TNR: variants seen among roughly 807,000 people sequenced by gnomAD.
The protein encoded by TNR is tenascin-R.
In TNR, 45 loss-of-function variants were observed where a neutral mutation model predicts 150.4. The ratio of observed to expected loss-of-function variants is 0.30; its 90% CI spans 0.24 to 0.38. The LOEUF (loss-of-function observed/expected upper bound fraction) is 0.38, where lower values mean the gene tolerates loss of function less well. Ranked by LOEUF, TNR falls within the 10% of genes least tolerant of loss-of-function variation. TNR has a pLI of 1.00. For missense variants in TNR, 1,544 were observed against 1,759.1 expected (o/e 0.88, Z 2.19); for synonymous variants, 687 against 678.4 (o/e 1.01, Z -0.20).
chr1:175,343,940 C>A (rs897150200), intron 18 of TNR, among the ~76,000 whole-genome samples: 1 of 152,076 alleles, frequency 6.6e-6, no homozygotes, highest in African/African-American at 2.4e-5. Context: ...AGGTTTTTGG[C>A]GTTTTTGAAC....
intron 6 of TNR, among the ~76,000 whole-genome samples, chr1:175,393,556 C>T (rs1477778079): frequency 6.6e-6 from 1 of 152,206 alleles, no homozygotes; most frequent in African/African-American, 2.4e-5. Flanking sequence ...CTCTGTTCTG[C>T]AAGGCCAGGG....
At chr1:175,478,728 A>C (rs1657654931) in intron 2 of TNR, among the ~76,000 whole-genome samples, 1 of 152,198 alleles carries the variant, frequency 6.6e-6, no homozygotes, top group Non-Finnish European at 1.5e-5. Context: ...AAAGGAGATC[A>C]GGGGACCTTG....
At chr1:175,403,949 A>C (rs187729991) in intron 3 of TNR, among the ~76,000 whole-genome samples, 14 of 152,278 alleles carry the variant, frequency 9.2e-5, no homozygotes, top group Non-Finnish European at 2.1e-4. Flanking sequence ...AGGTGTTCCC[A>C]GAAAAAACTG....
At chr1:175,404,517 A>G (rs937802489) in intron 3 of TNR, among the ~76,000 whole-genome samples, 1 of 152,232 alleles carries the variant, frequency 6.6e-6, no homozygotes, top group Non-Finnish European at 1.5e-5. Context: ...AACGTATTAA[A>G]CAAATACAAA....
At chr1:175,382,495 G>A (rs1255685079) in intron 8 of TNR, among the ~76,000 whole-genome samples, 1 of 152,206 alleles carries the variant, frequency 6.6e-6, no homozygotes, top group African/African-American at 2.4e-5. Flanking sequence ...GAGTCCTAGA[G>A]CGGCATCACT....
intron 1 of TNR, among the ~76,000 whole-genome samples, chr1:175,686,558 T>C (rs1006037291): frequency 6.6e-6 from 1 of 152,192 alleles, no homozygotes; most frequent in African/African-American, 2.4e-5. Context: ...TAATGCTTGG[T>C]ACATTTCATA....
At chr1:175,378,665 C>A (rs1401772891) in intron 9 of TNR, among the ~76,000 whole-genome samples, 1 of 152,262 alleles carries the variant, frequency 6.6e-6, no homozygotes, top group East Asian at 1.9e-4. Context: ...TCCTATATAG[C>A]AGGAGGGAAA....
In TNR at chr1:175,599,926, C is replaced by T. The variant is rs1160087193; in HGVS notation, c.-164-71557G>A. ...GGCAGGCAAGAGACTGGGGCCGGTT[C>T]TACAGGAGGGAGGAAAAGAGTGAGC... On this transcript the variant is annotated intron_variant, in intron 1 of 22. Coordinates refer to ENST00000367674, the MANE Select transcript of TNR (RefSeq NM_003285.3). This position sits in a 1 kb window ranked among gnomAD's most constrained non-coding sequence, Gnocchi z 4.7. Among the ~76,000 whole-genome samples, 2 of 152,136 alleles carry T rather than the reference C, an allele frequency of 1.3e-5. No homozygotes were observed. Among genetic ancestry groups the T allele is most frequent in the Non-Finnish European group, 2.9e-5 (2 of 68,032 alleles).
intron 1 of TNR, among the ~76,000 whole-genome samples, chr1:175,649,996 A>G (rs1472726705): frequency 6.6e-6 from 1 of 152,198 alleles, no homozygotes; most frequent in Non-Finnish European, 1.5e-5. Context: ...CAAAAGATTA[A>G]TCTTAAAAAT....
rs1172867454 is a variant in TNR at position 175,517,053 on chromosome 1, GAGAGAA to G, written c.-64+11210_-64+11215del. On this transcript the variant is annotated intron_variant, in intron 2 of 22. Transcript: ENST00000367674. ...AGAGAGAGAGAGAGAGAGAGAGAGA[GAGAGAA>G]AGAGAGAGAGACCTTCAAATACAGC... 4.2e-3 allele frequency among the ~76,000 whole-genome samples: 534 copies of G among 127,934 alleles called. 1 individual carries two copies. Among genetic ancestry groups the G allele is most frequent in the South Asian group, 0.01 (42 of 4,148 alleles). The allele number at this position is 127,934 out of a possible 152,430, so 83.9% of individuals were successfully genotyped here.
At chr1:175,530,088 T>C (rs1295808684) in intron 1 of TNR, among the ~76,000 whole-genome samples, 1 of 152,230 alleles carries the variant, frequency 6.6e-6, no homozygotes, top group Non-Finnish European at 1.5e-5. Context: ...TAAAAATGTA[T>C]GCAGAAGACG....
chr1:175,595,688 T>A (rs1662980081), intron 1 of TNR, among the ~76,000 whole-genome samples: 1 of 152,160 alleles, frequency 6.6e-6, no homozygotes, highest in South Asian at 2.1e-4. Flanking sequence ...CCAAAGAGAA[T>A]TAGGCAATGG....
chr1:175,485,874 A>T (rs1657992471), intron 2 of TNR, among the ~76,000 whole-genome samples: 1 of 152,228 alleles, frequency 6.6e-6, no homozygotes, highest in Non-Finnish European at 1.5e-5. Flanking sequence ...AGCATTTTAC[A>T]TATAATTTTT....
chr1:175,613,834 A>C (rs1041186310), intron 1 of TNR, among the ~76,000 whole-genome samples: 1 of 152,202 alleles, frequency 6.6e-6, no homozygotes, highest in Admixed American at 6.5e-5. Flanking sequence ...GCCTCCTATA[A>C]GATGAACATG....
chr1:175,339,334 CA>C (rs1650403302), intron 18 of TNR, among the ~76,000 whole-genome samples: 1 of 152,206 alleles, frequency 6.6e-6, no homozygotes, highest in South Asian at 2.1e-4. Context: ...TTAAAGATCT[CA>C]AAAATTTCTA....
rs529027124 is a variant in TNR, at chr1:175,398,934, G to A, written c.977-2127C>T. ...TACCAATGAGGAAACTGAATCCCAG[G>A]TTAAGGGATGTGCCAAAAGTCAGAG... On this transcript the variant is annotated intron_variant, in intron 4 of 22. Transcript: ENST00000367674. Among the ~76,000 whole-genome samples, 9 of 152,300 alleles carry A rather than the reference G, an allele frequency of 5.9e-5. No homozygotes were observed. The South Asian group carries it at 1.7e-3, about 28-fold the overall frequency.
At chr1:175,565,323 G>A (rs897746516) in intron 1 of TNR, among the ~76,000 whole-genome samples, 2 of 152,196 alleles carry the variant, frequency 1.3e-5, no homozygotes, top group East Asian at 1.9e-4. Flanking sequence ...TCACAGAACA[G>A]AAATGGTGAA....
chr1:175,675,421 A>G (rs1452367525), intron 1 of TNR, among the ~76,000 whole-genome samples: 1 of 152,210 alleles, frequency 6.6e-6, no homozygotes, highest in East Asian at 1.9e-4. Context: ...TATTGCATTC[A>G]TGACTCCCCT....
intron 1 of TNR, among the ~76,000 whole-genome samples, chr1:175,666,676 A>G (rs544856593): frequency 7.5e-4 from 115 of 152,318 alleles, no homozygotes; most frequent in African/African-American, 2.6e-3. Context: ...CAGTTCCCAC[A>G]TCTCTGAAAA....
Sources: allele counts gnomAD v4.1 joint callset (sites outside exome capture counted in the v4.1 genomes callset), GRCh38; gene constraint gnomAD v4.1.1; non-coding constraint Gnocchi (gnomAD v3.1); transcripts MANE v1.5; gene names NCBI Gene and HGNC (gene_info 2026-07-23, HGNC 2026-07-21).